PPM1A: variants seen among roughly 807,000 people sequenced by gnomAD.
The protein encoded by PPM1A is protein phosphatase 1A.
A neutral mutation model predicts 35.0 loss-of-function variants in PPM1A; 7 were observed. That is an observed-to-expected ratio of 0.20 (90% confidence interval 0.11 to 0.38). The LOEUF (loss-of-function observed/expected upper bound fraction) is 0.38. Ranked by LOEUF, PPM1A falls within the 10% of genes least tolerant of loss-of-function variation. The pLI, the probability that PPM1A is intolerant of heterozygous loss-of-function variation, is 1.00. For synonymous variants in PPM1A, 153 were observed against 167.3 expected, an observed-to-expected ratio of 0.91 and a Z score of 0.66; for missense variants, 239 against 467.8, an observed-to-expected ratio of 0.51 and a Z score of 4.51.
Position 60,296,658 on chromosome 14 carries a change from A to G in PPM1A, c.*4176A>G. The G allele has an allele frequency of 2.9e-6, 1 of 346,928 alleles. No individual in the cohort carries two copies. Among genetic ancestry groups the G allele is most frequent in the Non-Finnish European group, 5.3e-6 (1 of 189,104 alleles). The allele number at this position is 346,928 out of a possible 1,614,324, so 21.5% of individuals were successfully genotyped here. ...TTATGTGCCATGTGTTTTGGTTTGT[A>G]TATGTTTTAAATTGTATATTTCCTT... On this transcript the variant is annotated 3_prime_UTR_variant, in exon 6 of 6. Coordinates refer to ENST00000395076, the MANE Select transcript of PPM1A (RefSeq NM_021003.5). The surrounding 1 kb of genome is among the most constrained non-coding windows in gnomAD (Gnocchi z 4.4).
Position 60,296,500 on chromosome 14 carries a change from T to A in PPM1A, c.*4018T>A, listed in dbSNP as rs1888072830. 1 of 292,964 alleles carries A rather than the reference T, an allele frequency of 3.4e-6. No homozygotes were observed. The highest frequency in any genetic ancestry group is 6.3e-6 in the Non-Finnish European group (1 of 158,902). 18.1% of individuals were successfully genotyped at this position (292,964 alleles called of 1,614,324 possible). A position where few individuals can be genotyped will look rare whatever the true frequency, so the allele number is the denominator to read the frequency against. ...AGGGACCTTAAAGAGTTTTATATAC[T>A]TTTGCTCACAGAAACTGCTGGTGAG... On this transcript the variant is annotated 3_prime_UTR_variant, in exon 6 of 6. Coordinates refer to ENST00000395076, the MANE Select transcript of PPM1A (RefSeq NM_021003.5). This position sits in a 1 kb window ranked among gnomAD's most constrained non-coding sequence, Gnocchi z 4.4.
chr14:60,290,014 C>T lies in PPM1A; in HGVS notation c.1061+100C>T, dbSNP rs1202752616. On this transcript the variant is annotated intron_variant, in intron 4 of 5. Transcript: ENST00000395076. ...TGTTTGCCTAATTTCTGAACTGATG[C>T]AGTTATCTGTGTTTTAACCTGTGAT... 6.5e-6 allele frequency: 5 copies of T among 768,926 alleles called. No individual in the cohort carries two copies. In the African/African-American group the frequency reaches 7.5e-5, roughly 11 times the overall value. The allele number at this position is 768,926 out of a possible 1,614,324, so 47.6% of individuals were successfully genotyped here.
rs2139612620 is a variant in PPM1A at position 60,295,175 on chromosome 14, TA to T, written c.*2694del. ...ATATACTTTTATCATTTAAATGTCT[TA>T]TTTGCTGCTATGAATAGGAAATAAC... is the stretch of plus-strand genomic sequence containing the variant. On this transcript the variant is annotated 3_prime_UTR_variant, in exon 6 of 6. Transcript: ENST00000395076. 6.6e-6 allele frequency: 1 copy of T among 151,928 alleles called. No individual in the cohort carries two copies. The highest frequency in any genetic ancestry group is 1.9e-4 in the East Asian group (1 of 5,184). 9.4% of individuals were successfully genotyped at this position (151,928 alleles called of 1,614,324 possible).
chr14:60,277,552 A>T (rs895876805), intron 1 of PPM1A, among the ~76,000 whole-genome samples: 1 of 152,008 alleles, frequency 6.6e-6, no homozygotes, highest in Non-Finnish European at 1.5e-5. Context: ...TATATTTTTT[A>T]AAGTCTGGGG....
At chr14:60,288,448 A>G in intron 3 of PPM1A, 1 of 984,208 alleles carries the variant, frequency 1.0e-6, no homozygotes, top group African/African-American at 1.7e-5. Flanking sequence ...GTTTAGGTAA[A>G]CATCAAATCC....
At chr14:60,249,108 G>A (rs1881997285), upstream of PPM1A, 4 of 548,556 alleles carry the variant, frequency 7.3e-6, no homozygotes, top group Admixed American at 6.4e-5. The surrounding 1 kb of genome is among the most constrained non-coding windows in gnomAD (Gnocchi z 4.5). Flanking sequence ...CCGGGTCTCT[G>A]TAGCTGCGCG....
chr14:60,297,875 T>C lies in PPM1A; in HGVS notation c.*5393T>C, dbSNP rs1231258627. ...CATATCTCCCTAAAGTTTACAATATTGTAGTGGTTCATGGGCCCCCTGGTT... is the reference window on the plus strand; with the variant it reads ...CATATCTCCCTAAAGTTTACAATATCGTAGTGGTTCATGGGCCCCCTGGTT... On this transcript the variant is annotated 3_prime_UTR_variant, in exon 6 of 6. Coordinates refer to ENST00000395076, the MANE Select transcript of PPM1A (RefSeq NM_021003.5). 6.6e-6 allele frequency: 1 copy of C among 151,498 alleles called. No homozygotes were observed. The highest frequency in any genetic ancestry group is 2.4e-5 in the African/African-American group (1 of 41,350). The allele number at this position is 151,498 out of a possible 1,614,324, so 9.4% of individuals were successfully genotyped here.
chr14:60,266,723 GT>G (rs1429991455), intron 1 of PPM1A, among the ~76,000 whole-genome samples: 2 of 152,112 alleles, frequency 1.3e-5, no homozygotes, highest in Non-Finnish European at 2.9e-5. Flanking sequence ...TTGGAATCAA[GT>G]TTAAATATCA....
At chr14:60,254,010 T>G (rs986396333) in intron 1 of PPM1A, among the ~76,000 whole-genome samples, 4 of 152,248 alleles carry the variant, frequency 2.6e-5, no homozygotes, top group African/African-American at 9.6e-5. Flanking sequence ...TAAGGTTATC[T>G]TGAAGATTTA....
Position 60,273,343 on chromosome 14 carries a change from G to A in PPM1A, c.-20-9341G>A, listed in dbSNP as rs566406060. Among the ~76,000 whole-genome samples, 7 of 152,220 alleles carry A rather than the reference G, an allele frequency of 4.6e-5. No homozygotes were observed. Among genetic ancestry groups the A allele is most frequent in the Non-Finnish European group, 8.8e-5 (6 of 68,022 alleles). On this transcript the variant is annotated intron_variant, in intron 1 of 5. Transcript: ENST00000395076. This position sits in a 1 kb window ranked among gnomAD's most constrained non-coding sequence, Gnocchi z 4.3. The stretch of plus-strand genomic sequence containing the variant: ...AACAGCTGTTAAGGTAGGGAAAGTA[G>A]CATTTGTTTATATATTTGGAGGAAG...
Position 60,282,386 on chromosome 14 carries a change from C to T in PPM1A, c.-20-298C>T, listed in dbSNP as rs1886509156. 6.6e-6 allele frequency among the ~76,000 whole-genome samples: 1 copy of T among 152,182 alleles called. No homozygotes were observed. The highest frequency in any genetic ancestry group is 2.1e-4 in the South Asian group (1 of 4,826). On this transcript the variant is annotated intron_variant, in intron 1 of 5. Coordinates refer to ENST00000395076, the MANE Select transcript of PPM1A (RefSeq NM_021003.5). The surrounding 1 kb of genome is among the most constrained non-coding windows in gnomAD (Gnocchi z 5.1). ...TACACATGTTCATTGTATCATTAAA[C>T]ATTTAGCCTGGTTGGTTTAAGTTGA...
intron 1 of PPM1A, among the ~76,000 whole-genome samples, chr14:60,253,397 A>G (rs1882673536): frequency 6.6e-6 from 1 of 152,174 alleles, no homozygotes; most frequent in African/African-American, 2.4e-5. Flanking sequence ...TCATTTTATA[A>G]ATAAGGAAAT....
chr14:60,246,962 C>T (rs765267987), upstream of PPM1A, among the ~76,000 whole-genome samples: 6 of 152,100 alleles, frequency 3.9e-5, no homozygotes, highest in Non-Finnish European at 8.8e-5. Flanking sequence ...GTGTGGAAGC[C>T]TAAAGGAAGG....
chr14:60,261,048 A>G (rs377301546), intron 1 of PPM1A, among the ~76,000 whole-genome samples: 13 of 149,792 alleles, frequency 8.7e-5, no homozygotes, highest in African/African-American at 3.3e-4. Context: ...TCCCGAAAAT[A>G]CCACTTAAGT....
In PPM1A at chr14:60,296,417, G is replaced by C. The variant is rs564913028; in HGVS notation, c.*3935G>C. On this transcript the variant is annotated 3_prime_UTR_variant, in exon 6 of 6. Coordinates refer to ENST00000395076, the MANE Select transcript of PPM1A (RefSeq NM_021003.5). The surrounding 1 kb of genome is among the most constrained non-coding windows in gnomAD (Gnocchi z 4.4). The stretch of plus-strand genomic sequence containing the variant: ...AGTATTGTATTAGGATTTGGTATTA[G>C]AAAAGATGTGTAAATATCTTAGTAT... The C allele has an allele frequency of 4.7e-6, 1 of 213,728 alleles. No individual in the cohort carries two copies. Among genetic ancestry groups the C allele is most frequent in the Admixed American group, 5.8e-5 (1 of 17,156 alleles). The allele number at this position is 213,728 out of a possible 1,614,324, so 13.2% of individuals were successfully genotyped here.
intron 1 of PPM1A, among the ~76,000 whole-genome samples, chr14:60,275,590 A>G (rs1033579641): frequency 6.6e-6 from 1 of 152,188 alleles, no homozygotes; most frequent in Non-Finnish European, 1.5e-5. Flanking sequence ...GGGCCCAAGC[A>G]GTCCTCCTTC....
At position 60,249,295 on chromosome 14, in the gene PPM1A, G is replaced by C; in HGVS notation, c.-403G>C. ...GGAGCTAGAGAGCAGTGGTCTCGGC[G>C]CTCGTCCGGCCCGCAGCTTCGGGTC... On this transcript the variant is annotated 5_prime_UTR_variant, in exon 1 of 6. Coordinates refer to ENST00000395076, the MANE Select transcript of PPM1A (RefSeq NM_021003.5). This position sits in a 1 kb window ranked among gnomAD's most constrained non-coding sequence, Gnocchi z 4.5. The C allele has an allele frequency of 1.0e-6, 1 of 981,914 alleles. No homozygotes were observed. The highest frequency in any genetic ancestry group is 1.2e-6 in the Non-Finnish European group (1 of 828,780). The allele number at this position is 981,914 out of a possible 1,614,324, so 60.8% of individuals were successfully genotyped here.
upstream of PPM1A, chr14:60,249,125 C>T: frequency 1.5e-6 from 1 of 683,352 alleles, no homozygotes; most frequent in Non-Finnish European, 1.8e-6. The surrounding 1 kb of genome is among the most constrained non-coding windows in gnomAD (Gnocchi z 4.5). Context: ...CGCGCCGCGC[C>T]GCAGCTGTAG....
intron 2 of PPM1A, 70 bp from the exon 3 acceptor site, chr14:60,285,554 C>A: frequency 6.8e-7 from 1 of 1,471,004 alleles, no homozygotes; most frequent in African/African-American, 1.4e-5. Flanking sequence ...ATTGGCACAG[C>A]TGTAAAGGTT....
Sources: gnomAD v4.1 joint callset for allele counts (sites outside exome capture counted in the v4.1 genomes callset) on GRCh38, gnomAD v4.1.1 for gene constraint, Gnocchi (gnomAD v3.1) non-coding constraint, MANE v1.5 for transcripts, NCBI Gene and HGNC (gene_info 2026-07-23, HGNC 2026-07-21) for gene names.